Variants in DPP10 observed in about 807,000 individuals in gnomAD.
The protein encoded by DPP10 is inactive dipeptidyl peptidase 10.
A neutral mutation model predicts 120.9 loss-of-function variants in DPP10; 33 were observed. The ratio of observed to expected loss-of-function variants is 0.27; its 90% CI spans 0.21 to 0.37. The LOEUF is 0.37. Among genes scored for constraint, DPP10 ranks in the 10% least tolerant of loss-of-function variants. The probability of loss-of-function intolerance (pLI) is 1.00; values close to 1 mark genes in which losing one functional copy is unlikely to be tolerated. For synonymous variants in DPP10, 337 were observed against 326.1 expected, an observed-to-expected ratio of 1.03 and a Z score of -0.36; for missense variants, 816 against 942.8, an observed-to-expected ratio of 0.87 and a Z score of 1.76.
intron 1 of DPP10, among the ~76,000 whole-genome samples, chr2:114,806,026 A>G (rs1684691541): frequency 6.6e-6 from 1 of 152,148 alleles, no homozygotes; most frequent in Non-Finnish European, 1.5e-5. Flanking sequence ...TTTATTCTCC[A>G]TGATTTCCAA....
At chr2:114,647,941 T>C (rs1696264473) in intron 1 of DPP10, among the ~76,000 whole-genome samples, 1 of 152,064 alleles carries the variant, frequency 6.6e-6, no homozygotes, top group African/African-American at 2.4e-5. Context: ...TTCTATGGCA[T>C]TTCTGCATGT....
At chr2:114,584,943 G>A (rs539041586) in intron 1 of DPP10, among the ~76,000 whole-genome samples, 2 of 152,274 alleles carry the variant, frequency 1.3e-5, no homozygotes, top group South Asian at 4.1e-4. Context: ...CAGGATCCAG[G>A]TTCAGCATCT....
chr2:115,315,550 T>C (rs2106065990), intron 2 of DPP10, among the ~76,000 whole-genome samples: 1 of 152,304 alleles, frequency 6.6e-6, no homozygotes, highest in Non-Finnish European at 1.5e-5. Flanking sequence ...TGTTTTAAAA[T>C]GTCAAAGCAA....
chr2:115,122,191 A>G (rs1279642554), intron 1 of DPP10, among the ~76,000 whole-genome samples: 1 of 152,186 alleles, frequency 6.6e-6, no homozygotes, highest in Non-Finnish European at 1.5e-5. Context: ...CCTTGGTCCC[A>G]TCTTGTTTTA....
At chr2:115,246,258 GC>G (rs1292365962) in intron 1 of DPP10, among the ~76,000 whole-genome samples, 1 of 152,072 alleles carries the variant, frequency 6.6e-6, no homozygotes, top group African/African-American at 2.4e-5. Context: ...ACAGGACTGT[GC>G]TACATACTGG....
At chr2:115,444,636 T>C (rs2072397464) in intron 3 of DPP10, among the ~76,000 whole-genome samples, 1 of 152,204 alleles carries the variant, frequency 6.6e-6, no homozygotes, top group Non-Finnish European at 1.5e-5. Context: ...CAAAGTGTTT[T>C]AGTTTTCTGG....
At chr2:114,913,102 C>T (rs1694499829) in intron 1 of DPP10, among the ~76,000 whole-genome samples, 1 of 152,166 alleles carries the variant, frequency 6.6e-6, no homozygotes, top group African/African-American at 2.4e-5. Flanking sequence ...GCAGCGCAGC[C>T]TCAGCTGCCA....
intron 1 of DPP10, among the ~76,000 whole-genome samples, chr2:115,223,938 T>G (rs1324742161): frequency 6.6e-6 from 1 of 152,178 alleles, no homozygotes; most frequent in Middle Eastern, 3.2e-3. Flanking sequence ...AAAATGATGT[T>G]ACTCAATTAT....
chr2:115,227,992 G>T lies in DPP10; in HGVS notation c.61-81247G>T, dbSNP rs2057526776. Among the ~76,000 whole-genome samples the T allele has an allele frequency of 3.3e-5, 5 of 150,944 alleles. No homozygotes were observed. In the South Asian group the frequency reaches 1.0e-3, roughly 32 times the overall value. On this transcript the variant is annotated intron_variant, in intron 1 of 25. Coordinates refer to ENST00000410059, the MANE Select transcript of DPP10 (RefSeq NM_020868.6). ...GCTAGAGTGCAGTAGTGTGATCGTG[G>T]CTCTCTGCAGCCTGGACCACCCTGG...
intron 1 of DPP10, among the ~76,000 whole-genome samples, chr2:115,239,730 C>T (rs1159876234): frequency 1.3e-5 from 2 of 152,084 alleles, no homozygotes; most frequent in African/African-American, 4.8e-5. Context: ...TTAGGTATTT[C>T]TCCTAATGCT....
chr2:115,332,096 T>A (rs1036047525), intron 2 of DPP10, among the ~76,000 whole-genome samples: 1 of 152,186 alleles, frequency 6.6e-6, no homozygotes, highest in Non-Finnish European at 1.5e-5. Context: ...TTGCCTCAAT[T>A]TCAGAGCCTC....
chr2:115,719,437 A>G (rs1411486929), intron 7 of DPP10, among the ~76,000 whole-genome samples: 1 of 152,190 alleles, frequency 6.6e-6, no homozygotes. Flanking sequence ...CAAAGGTGAC[A>G]TGAGTGATTT....
chr2:115,366,475 A>C (rs573021297), intron 3 of DPP10, among the ~76,000 whole-genome samples: 7 of 152,128 alleles, frequency 4.6e-5, no homozygotes, highest in African/African-American at 1.7e-4. Context: ...TACAATGTAC[A>C]TTGCTATGTA....
intron 3 of DPP10, chr2:115,468,763 T>C: frequency 2.3e-6 from 1 of 427,894 alleles, no homozygotes; most frequent in Non-Finnish European, 4.5e-6. Flanking sequence ...CTCCTGAGTT[T>C]GCTGCTACTC....
intron 1 of DPP10, among the ~76,000 whole-genome samples, chr2:114,501,010 C>T (rs1683119183): frequency 6.6e-6 from 1 of 152,152 alleles, no homozygotes; most frequent in Non-Finnish European, 1.5e-5. Flanking sequence ...AGGCAACCTG[C>T]TTTAGGGTGG....
At chr2:114,974,069 T>C (rs1190739100) in intron 1 of DPP10, among the ~76,000 whole-genome samples, 1 of 152,134 alleles carries the variant, frequency 6.6e-6, no homozygotes, top group African/African-American at 2.4e-5. Flanking sequence ...AAAACTGCAG[T>C]AAGCTAAGGT....
intron 1 of DPP10, among the ~76,000 whole-genome samples, chr2:114,902,652 A>T (rs1693673252): frequency 6.6e-6 from 1 of 152,186 alleles, no homozygotes; most frequent in Admixed American, 6.5e-5. Flanking sequence ...TTTATTTTTT[A>T]GTGCAACTTT....
At chr2:114,942,402 C>CATATAT (rs61579596) in intron 1 of DPP10, among the ~76,000 whole-genome samples, 1,514 of 127,738 alleles carry the variant, frequency 0.012, 16 homozygotes, top group Middle Eastern at 0.02. Context: ...CACACACACA[C>CATATAT]ATATATATAT....
At chr2:115,017,494 C>T (rs1027164308) in intron 1 of DPP10, among the ~76,000 whole-genome samples, 2 of 152,090 alleles carry the variant, frequency 1.3e-5, no homozygotes, top group African/African-American at 2.4e-5. Flanking sequence ...CCAGCCATTC[C>T]ATTACTGGTT....
Sources: allele counts gnomAD v4.1 joint callset (sites outside exome capture counted in the v4.1 genomes callset), GRCh38; gene constraint gnomAD v4.1.1; transcripts MANE v1.5; gene names NCBI Gene and HGNC (gene_info 2026-07-23, HGNC 2026-07-21).